The following BMPR1B variants were observed in gnomAD, a reference collection of about 807,000 sequenced individuals.
BMPR1B encodes bone morphogenetic protein receptor type 1B, also known as bone morphogenetic protein receptor type-1B.
Under a neutral mutation model 59.1 loss-of-function variants are expected in BMPR1B, and 12 were observed. The ratio of observed to expected loss-of-function variants is 0.20; its 90% CI spans 0.13 to 0.33. The LOEUF is 0.33. BMPR1B is among the 10% of genes least tolerant of loss of function. The probability of loss-of-function intolerance (pLI) is 1.00; values close to 1 mark genes in which losing one functional copy is unlikely to be tolerated. For synonymous variants in BMPR1B, 237 were observed against 207.3 expected, an observed-to-expected ratio of 1.14 and a Z score of -1.23; for missense variants, 550 against 610.9, an observed-to-expected ratio of 0.90 and a Z score of 1.05.
chr4:94,761,567 T>G (rs1397698833), intron 1 of BMPR1B, among the ~76,000 whole-genome samples: 1 of 152,038 alleles, frequency 6.6e-6, no homozygotes, highest in Non-Finnish European at 1.5e-5. Flanking sequence ...CAACTGCAAA[T>G]TCATCTGTTT....
Position 95,152,654 on chromosome 4 carries a change from G to A in BMPR1B, c.1264G>A (p.Glu422Lys). The change falls in exon 12 of 13, where the codon GAA (glutamate) becomes AAA (lysine). Residue 422 changes from glutamate to lysine, a missense_variant. Glu to Lys is a moderately conservative substitution (Grantham distance 56). Around this residue, in one of 6 missense-constraint regions of BMPR1B, gnomAD observed 123 missense variants for 164.6 expected, o/e 0.75. Transcript: ENST00000515059. The part of the protein sequence containing the change: ...RRCVSGGIVE[E>K]YQLPYHDLVP... ...CAACATATTTTTAGGTATAGTGGAAGAATACCAGCTTCCTTATCATGACCT... is the reference window on the plus strand; with the variant it reads ...CAACATATTTTTAGGTATAGTGGAAAAATACCAGCTTCCTTATCATGACCT... The A allele has an allele frequency of 6.4e-7, 1 of 1,552,638 alleles. No individual in the cohort carries two copies.
Position 94,784,859 on chromosome 4 carries a change from C to A in BMPR1B, c.-183+26791C>A, listed in dbSNP as rs149054345. Among the ~76,000 whole-genome samples the A allele has an allele frequency of 6.5e-4, 99 of 152,296 alleles. No individual in the cohort carries two copies. In the Middle Eastern group the frequency reaches 0.01, roughly 16 times the overall value. On this transcript the variant is annotated intron_variant, in intron 1 of 12. Coordinates refer to ENST00000515059, the MANE Select transcript of BMPR1B (RefSeq NM_001203.3). The stretch of plus-strand genomic sequence containing the variant: ...ACCTCATCTTTGATACCATACAGGT[C>A]ATCTTAGCCTCCTCTTTGGTACAGC...
intron 2 of BMPR1B, among the ~76,000 whole-genome samples, chr4:94,946,220 A>G (rs2149049061): frequency 6.6e-6 from 1 of 152,218 alleles, no homozygotes; most frequent in East Asian, 1.9e-4. Flanking sequence ...AGTTTTTCAG[A>G]TCTTTGTAGT....
rs1406901953 is a variant in BMPR1B, at chr4:94,949,314, T to TATGGCTGCATAGTATTTCATGTG, written c.-112-46726_-112-46725insATGGCTGCATAGTATTTCATGTG. On this transcript the variant is annotated intron_variant, in intron 2 of 12. Coordinates refer to ENST00000515059, the MANE Select transcript of BMPR1B (RefSeq NM_001203.3). ...CAAAGGACATGAACTCATTCTTTTT[T>TATGGCTGCATAGTATTTCATGTG]TTTTTTTTTTTTTGAGACGGAGTCT... Among the ~76,000 whole-genome samples, 407 of 103,376 alleles carry TATGGCTGCATAGTATTTCATGTG rather than the reference T, an allele frequency of 3.9e-3. 25 individuals are homozygous for TATGGCTGCATAGTATTTCATGTG. The highest frequency in any genetic ancestry group is 6.6e-3 in the South Asian group (17 of 2,576). The allele number at this position is 103,376 out of a possible 152,430, so 67.8% of individuals were successfully genotyped here.
chr4:94,899,590 C>T (rs1727724895), intron 2 of BMPR1B, among the ~76,000 whole-genome samples: 1 of 151,466 alleles, frequency 6.6e-6, no homozygotes, highest in South Asian at 2.1e-4. Flanking sequence ...AGTATTATCT[C>T]TTCCTAGTAA....
chr4:94,871,750 TCAAA>T (rs1726507116), intron 1 of BMPR1B, among the ~76,000 whole-genome samples: 1 of 152,192 alleles, frequency 6.6e-6, no homozygotes, highest in Non-Finnish European at 1.5e-5. Flanking sequence ...TACTGAATAG[TCAAA>T]CAATTTTCAA....
chr4:94,940,481 G>A (rs1729469681), intron 2 of BMPR1B, among the ~76,000 whole-genome samples: 1 of 152,124 alleles, frequency 6.6e-6, no homozygotes, highest in Admixed American at 6.5e-5. Flanking sequence ...AATTTCTATA[G>A]CCTTGCTAGA....
At position 95,145,146 on chromosome 4, in the gene BMPR1B, G is replaced by A. The variant is rs532737083; in HGVS notation, c.1077-3602G>A. Among the ~76,000 whole-genome samples, 47 of 152,296 alleles carry A rather than the reference G, an allele frequency of 3.1e-4. No individual in the cohort carries two copies. In the South Asian group the frequency reaches 8.9e-3, roughly 29 times the overall value. On this transcript the variant is annotated intron_variant, in intron 10 of 12. Transcript: ENST00000515059. ...TTTTTCTTTTTAAAAGAAATAAAAT[G>A]TTGAAGATAGCCCTGTTGCAGTCCC...
intron 2 of BMPR1B, among the ~76,000 whole-genome samples, chr4:94,945,460 C>T (rs1729672939): frequency 6.6e-6 from 1 of 152,098 alleles, no homozygotes; most frequent in African/African-American, 2.4e-5. Flanking sequence ...GTTGTTTAGA[C>T]AGGGTCTTGC....
chr4:94,909,295 C>A (rs1318515239), intron 2 of BMPR1B, among the ~76,000 whole-genome samples: 1 of 151,916 alleles, frequency 6.6e-6, no homozygotes, highest in East Asian at 1.9e-4. Context: ...TTGGGGGATA[C>A]TAACTTACTA....
At chr4:95,143,644 G>A (rs973315150) in intron 10 of BMPR1B, among the ~76,000 whole-genome samples, 9 of 152,302 alleles carry the variant, frequency 5.9e-5, no homozygotes, top group Admixed American at 3.3e-4. Context: ...TCATACCACT[G>A]TCATTCAAGT....
intron 3 of BMPR1B, among the ~76,000 whole-genome samples, chr4:95,070,049 A>G (rs1232546579): frequency 6.6e-6 from 1 of 152,246 alleles, no homozygotes. Context: ...CCATGAGCCA[A>G]GATTGCGCCA....
At chr4:94,862,985 G>A (rs1213905721) in intron 1 of BMPR1B, among the ~76,000 whole-genome samples, 1 of 151,062 alleles carries the variant, frequency 6.6e-6, no homozygotes, top group Non-Finnish European at 1.5e-5. Context: ...GGGCATGGTG[G>A]TGGGCGCCTG....
At chr4:95,036,530 T>G (rs922731395) in intron 3 of BMPR1B, among the ~76,000 whole-genome samples, 4 of 152,154 alleles carry the variant, frequency 2.6e-5, no homozygotes, top group Non-Finnish European at 5.9e-5. Context: ...GCTACGTTGT[T>G]GTAAATGACA....
At chr4:95,140,886 G>A (rs1734188206) in intron 10 of BMPR1B, among the ~76,000 whole-genome samples, 1 of 152,140 alleles carries the variant, frequency 6.6e-6, no homozygotes, top group South Asian at 2.1e-4. Flanking sequence ...ACTTAGTTCT[G>A]CTTAATGGAA....
At chr4:95,069,869 G>A (rs1277343460) in intron 3 of BMPR1B, among the ~76,000 whole-genome samples, 1 of 152,244 alleles carries the variant, frequency 6.6e-6, no homozygotes, top group African/African-American at 2.4e-5. Context: ...GGAGGCCAAG[G>A]TGGGTGGATC....
intron 3 of BMPR1B, among the ~76,000 whole-genome samples, chr4:95,075,432 C>T (rs540510953): frequency 6.6e-6 from 1 of 152,106 alleles, no homozygotes; most frequent in Non-Finnish European, 1.5e-5. Flanking sequence ...TGTATGTAGA[C>T]GATATATTAA....
At chr4:94,889,800 G>A (rs912546334) in intron 2 of BMPR1B, among the ~76,000 whole-genome samples, 2 of 152,012 alleles carry the variant, frequency 1.3e-5, no homozygotes, top group Non-Finnish European at 1.5e-5. Flanking sequence ...TTGGGTGGGT[G>A]GTTTGGGGAG....
intron 2 of BMPR1B, among the ~76,000 whole-genome samples, chr4:94,927,158 A>T (rs1363880424): frequency 6.6e-6 from 1 of 152,154 alleles, no homozygotes; most frequent in African/African-American, 2.4e-5. Context: ...TGGTTTGTTC[A>T]TTCCTTGCGA....
Sources: gnomAD v4.1 joint callset for allele counts (sites outside exome capture counted in the v4.1 genomes callset) on GRCh38, gnomAD v4.1.1 for gene constraint, gnomAD v4.1.1 regional missense constraint, MANE v1.5 for transcripts, NCBI Gene and HGNC (gene_info 2026-07-23, HGNC 2026-07-21) for gene names.